PARD3B: variants seen among roughly 807,000 people sequenced by gnomAD.
PARD3B encodes par-3 family cell polarity regulator beta, also known as partitioning defective 3 homolog B.
A neutral mutation model predicts 130.2 loss-of-function variants in PARD3B; 103 were observed. The ratio of observed to expected loss-of-function variants is 0.79; its 90% CI spans 0.67 to 0.93. The LOEUF is 0.93. Ranked by LOEUF, PARD3B falls within the 40% of genes least tolerant of loss-of-function variation. The probability of loss-of-function intolerance (pLI) is 0.00; values close to 1 mark genes in which losing one functional copy is unlikely to be tolerated. For synonymous variants in PARD3B, 583 were observed against 553.2 expected (o/e 1.05, Z -0.76); for missense variants, 1,609 against 1,499.2 (o/e 1.07, Z -1.21).
rs370143493 is a variant in PARD3B, at chr2:205,067,639, A to G, written c.504+19949A>G. 3.3e-5 allele frequency among the ~76,000 whole-genome samples: 5 copies of G among 152,230 alleles called. No individual in the cohort carries two copies. The East Asian group carries it at 5.8e-4, about 18-fold the overall frequency. ...ATTTAAGCCTTTAATTTACCTATAA[A>G]TTTTTTAAGTGGTATGTGTGTGGGT... On this transcript the variant is annotated intron_variant, in intron 4 of 22. Coordinates refer to ENST00000406610, the MANE Select transcript of PARD3B (RefSeq NM_001302769.2).
intron 2 of PARD3B, among the ~76,000 whole-genome samples, chr2:204,709,298 C>T (rs543535061): frequency 1.4e-4 from 21 of 152,250 alleles, no homozygotes; most frequent in Admixed American, 1.3e-3. Flanking sequence ...TGATGCAGAA[C>T]GTACTGCAGT....
intron 3 of PARD3B, among the ~76,000 whole-genome samples, chr2:205,019,357 A>G (rs1345166129): frequency 6.6e-6 from 1 of 152,208 alleles, no homozygotes; most frequent in Non-Finnish European, 1.5e-5. Context: ...CATTTTATGG[A>G]TATGCCAAAT....
At chr2:205,189,146 T>TTCTC (rs891350255) in intron 14 of PARD3B, among the ~76,000 whole-genome samples, 1 of 151,212 alleles carries the variant, frequency 6.6e-6, no homozygotes, top group African/African-American at 2.4e-5. Context: ...CATATTCTCT[T>TTCTC]TCTCTCTCTC....
chr2:204,816,928 T>C (rs1185468474), intron 2 of PARD3B, among the ~76,000 whole-genome samples: 1 of 152,078 alleles, frequency 6.6e-6, no homozygotes, highest in East Asian at 1.9e-4. Context: ...TAAAATTGTT[T>C]ATTCCCTCTT....
chr2:205,329,686 A>T (rs2043046140), intron 18 of PARD3B, among the ~76,000 whole-genome samples: 1 of 152,196 alleles, frequency 6.6e-6, no homozygotes, highest in Non-Finnish European at 1.5e-5. Context: ...AAGATTGAGG[A>T]AATATGTATA....
intron 3 of PARD3B, among the ~76,000 whole-genome samples, chr2:204,996,211 TTTATCTACTTTTGGTC>T (rs1171205368): frequency 3.0e-5 from 4 of 134,490 alleles, no homozygotes; most frequent in African/African-American, 1.1e-4. Context: ...TCTTTGTGGT[TTTATCTACTTTTGGTC>T]TTTGATGATG....
intron 1 of PARD3B, among the ~76,000 whole-genome samples, chr2:204,681,431 G>A (rs1436856085): frequency 6.6e-6 from 1 of 152,136 alleles, no homozygotes; most frequent in Non-Finnish European, 1.5e-5. Context: ...GAAACATACT[G>A]TAGTTAATTC....
At chr2:205,580,747 CTG>C (rs1482797880) in intron 22 of PARD3B, among the ~76,000 whole-genome samples, 3 of 152,136 alleles carry the variant, frequency 2.0e-5, no homozygotes, top group African/African-American at 7.2e-5. Flanking sequence ...AAATCTTCCT[CTG>C]TTTCAACCAT....
At chr2:205,390,558 T>C (rs182916034) in intron 18 of PARD3B, among the ~76,000 whole-genome samples, 1 of 152,292 alleles carries the variant, frequency 6.6e-6, no homozygotes, top group Non-Finnish European at 1.5e-5. Flanking sequence ...TAATCAGTTA[T>C]AAAGATAAGT....
chr2:205,347,958 A>G (rs1239002949), intron 18 of PARD3B: 1 of 152,200 alleles, frequency 6.6e-6, no homozygotes, highest in Non-Finnish European at 1.5e-5. Context: ...AGGAAGCAGG[A>G]TTAGGCAGAG....
At chr2:204,840,026 A>T (rs1191264608) in intron 2 of PARD3B, among the ~76,000 whole-genome samples, 1 of 152,188 alleles carries the variant, frequency 6.6e-6, no homozygotes, top group African/African-American at 2.4e-5. Flanking sequence ...CCCCAAAAGC[A>T]CATATTCAGG....
chr2:205,497,288 G>T (rs982443891), intron 20 of PARD3B, among the ~76,000 whole-genome samples: 25 of 151,650 alleles, frequency 1.6e-4, no homozygotes, highest in African/African-American at 6.1e-4. Context: ...CTGAGTGTCT[G>T]TCGAGCACCC....
At chr2:205,249,937 GA>G (rs2039768392) in intron 16 of PARD3B, among the ~76,000 whole-genome samples, 1 of 143,006 alleles carries the variant, frequency 7.0e-6, no homozygotes, top group African/African-American at 2.6e-5. Flanking sequence ...GCAATGCCTG[GA>G]GAAAAAAAAA....
chr2:205,515,510 CTT>C (rs959492959), intron 21 of PARD3B, among the ~76,000 whole-genome samples: 2 of 141,200 alleles, frequency 1.4e-5, no homozygotes, highest in Non-Finnish European at 3.0e-5. Flanking sequence ...GCATCTATTA[CTT>C]TTTTATTTTT....
At chr2:204,666,963 A>G (rs1344278343) in intron 1 of PARD3B, among the ~76,000 whole-genome samples, 1 of 152,192 alleles carries the variant, frequency 6.6e-6, no homozygotes, top group Non-Finnish European at 1.5e-5. Flanking sequence ...GTAAAGGCTG[A>G]GCAGAAGATG....
At chr2:205,493,407 A>T (rs2049797114) in intron 20 of PARD3B, among the ~76,000 whole-genome samples, 1 of 152,152 alleles carries the variant, frequency 6.6e-6, no homozygotes, top group African/African-American at 2.4e-5. Flanking sequence ...TCTTTATTCC[A>T]TGTCTTTAAA....
rs200289398 is a variant in PARD3B at position 204,837,110 on chromosome 2, CT to C, written c.223-128041del. Among the ~76,000 whole-genome samples, 674 of 152,194 alleles carry C rather than the reference CT, an allele frequency of 4.4e-3. 6 individuals are homozygous for C. Among genetic ancestry groups the C allele is most frequent in the Middle Eastern group, 0.041 (12 of 294 alleles). ...ATCCAGTGGGGTATGATTGGACCCC[CT>C]GATGTGTCATACTTTCACGTGAATT... On this transcript the variant is annotated intron_variant, in intron 2 of 22. Coordinates refer to ENST00000406610, the MANE Select transcript of PARD3B (RefSeq NM_001302769.2).
rs2029875857 is a variant in PARD3B, at chr2:204,545,621, A to C, written c.-379A>C. Among the ~76,000 whole-genome samples, 1 of 151,904 alleles carries C rather than the reference A, an allele frequency of 6.6e-6. No homozygotes were observed. Among genetic ancestry groups the C allele is most frequent in the Non-Finnish European group, 1.5e-5 (1 of 67,916 alleles). On this transcript the variant is annotated 5_prime_UTR_variant, in exon 1 of 23. Coordinates refer to ENST00000406610, the MANE Select transcript of PARD3B (RefSeq NM_001302769.2). ...CGGCCCTGCCAACGCCGCCAGGGCC[A>C]GGGCCAGGGCCAGGACCAGCGACAG...
rs751207163 is a variant in PARD3B at position 205,125,634 on chromosome 2, G to A, written c.1331G>A (p.Arg444Gln). 99 of 1,613,864 alleles carry A rather than the reference G, an allele frequency of 6.1e-5. No individual in the cohort carries two copies. The highest frequency in any genetic ancestry group is 2.3e-4 in the Admixed American group (14 of 59,982). Residue 444 changes from arginine (R) to glutamine (Q), a missense_variant, in exon 10 of 23, where the codon CGA (arginine) becomes CAA (glutamine). Arg to Gln is a conservative substitution (Grantham distance 43). Transcript: ENST00000406610. This position sits in a 1 kb window ranked among gnomAD's most constrained non-coding sequence, Gnocchi z 4.0. ...LEVNGRDVTG[R>Q]TQEELVAMLR... Reference sequence around the variant, plus strand: ...GTAAATGGGAGAGATGTCACCGGACGAACCCAGGAAGAGCTTGTGGCCATG... The same window carrying A: ...GTAAATGGGAGAGATGTCACCGGACAAACCCAGGAAGAGCTTGTGGCCATG...
Sources: allele counts gnomAD v4.1 joint callset (sites outside exome capture counted in the v4.1 genomes callset), GRCh38; gene constraint gnomAD v4.1.1; non-coding constraint Gnocchi (gnomAD v3.1); transcripts MANE v1.5; gene names NCBI Gene and HGNC (gene_info 2026-07-23, HGNC 2026-07-21).